The following MAN1C1 variants were observed in gnomAD, a reference collection of about 807,000 sequenced individuals.
The protein encoded by MAN1C1 is mannosidase alpha class 1C member 1.
In MAN1C1, 49 loss-of-function variants were observed where a neutral mutation model predicts 71.5. The observed-to-expected ratio is 0.69, with a 90% CI of 0.54 to 0.87. MAN1C1 has a LOEUF of 0.87. MAN1C1 is among the 40% of genes least tolerant of loss of function. The pLI is 0.00. For synonymous variants in MAN1C1, 352 were observed against 343.7 expected (o/e 1.02, Z -0.27); for missense variants, 743 against 835.0 (o/e 0.89, Z 1.36).
chr1:25,667,706 C>G (rs1015141134), intron 1 of MAN1C1, among the ~76,000 whole-genome samples: 1 of 152,096 alleles, frequency 6.6e-6, no homozygotes, highest in African/African-American at 2.4e-5. Flanking sequence ...CTGCAATAAT[C>G]CTTTCAAGAA....
intron 1 of MAN1C1, among the ~76,000 whole-genome samples, chr1:25,663,208 A>AAAAT (rs200892680): frequency 0.02 from 2,945 of 148,758 alleles, 103 homozygotes; most frequent in African/African-American, 0.068. Flanking sequence ...ACGTATATTT[A>AAAAT]AAATAAATAA....
intron 2 of MAN1C1, among the ~76,000 whole-genome samples, chr1:25,731,225 C>T (rs867860549): frequency 4.6e-5 from 7 of 152,196 alleles, no homozygotes; most frequent in Non-Finnish European, 1.0e-4. Context: ...GGGAGGATCA[C>T]GTGAGCCCAG....
intron 2 of MAN1C1, among the ~76,000 whole-genome samples, chr1:25,714,667 G>C (rs2046656986): frequency 6.6e-6 from 1 of 152,190 alleles, no homozygotes; most frequent in Non-Finnish European, 1.5e-5. Flanking sequence ...TTAGACTCCT[G>C]TGTTTTTATA....
chr1:25,617,782 C>T lies in MAN1C1; in HGVS notation c.-16C>T, dbSNP rs973144589. On this transcript the variant is annotated 5_prime_UTR_variant, in exon 1 of 12. Coordinates refer to ENST00000374332, the MANE Select transcript of MAN1C1 (RefSeq NM_020379.4). This position sits in a 1 kb window ranked among gnomAD's most constrained non-coding sequence, Gnocchi z 5.1. ...CCTGGACTCCGAGGGCTTCTGGAGC[C>T]ACCGGCCGGGCCACGATGCTCATGA... 12 of 1,574,800 alleles carry T rather than the reference C, an allele frequency of 7.6e-6. No individual in the cohort carries two copies. In the African/African-American group the frequency reaches 1.7e-4, roughly 22 times the overall value.
chr1:25,676,137 C>G (rs1038906178), intron 1 of MAN1C1, among the ~76,000 whole-genome samples: 2 of 152,184 alleles, frequency 1.3e-5, no homozygotes, highest in African/African-American at 4.8e-5. Context: ...GACCCTGATG[C>G]CTTAGAAACA....
chr1:25,641,830 G>A (rs2045541621), intron 1 of MAN1C1, among the ~76,000 whole-genome samples: 1 of 152,182 alleles, frequency 6.6e-6, no homozygotes, highest in Non-Finnish European at 1.5e-5. Flanking sequence ...GAGTTTTCCA[G>A]AGTTAAGAGC....
intron 2 of MAN1C1, among the ~76,000 whole-genome samples, chr1:25,696,143 C>T (rs1308816996): frequency 6.6e-6 from 1 of 152,198 alleles, no homozygotes; most frequent in Non-Finnish European, 1.5e-5. Flanking sequence ...TTGCGAAGAC[C>T]TTTCCTTCCT....
chr1:25,708,244 C>T (rs2046552543), intron 2 of MAN1C1, among the ~76,000 whole-genome samples: 2 of 152,158 alleles, frequency 1.3e-5, no homozygotes, highest in Non-Finnish European at 2.9e-5. Context: ...GTGGGCAATT[C>T]CCTGAACTGA....
rs753546357 is a variant in MAN1C1 at position 25,780,977 on chromosome 1, C to T, written c.1515C>T (p.Ser505=). The T allele has an allele frequency of 1.4e-5, 22 of 1,614,038 alleles. No individual in the cohort carries two copies. The highest frequency in any genetic ancestry group is 6.7e-5 in the East Asian group (3 of 44,900). The change falls in exon 10 of 12, where the codon TCC becomes TCT. Residue 505 remains serine (S), a synonymous_variant. Coordinates refer to ENST00000374332, the MANE Select transcript of MAN1C1 (RefSeq NM_020379.4). The part of the protein sequence containing the change: ...KLGPEAFWFN[S]GREAVATQLS... Reference sequence around the variant, plus strand: ...GGCCTGAGGCCTTCTGGTTTAACTCCGGCAGAGAGGCCGTGGCCACCCAGC... The same window carrying T: ...GGCCTGAGGCCTTCTGGTTTAACTCTGGCAGAGAGGCCGTGGCCACCCAGC...
At chr1:25,663,247 C>A (rs1406834078) in intron 1 of MAN1C1, among the ~76,000 whole-genome samples, 2 of 150,872 alleles carry the variant, frequency 1.3e-5, no homozygotes, top group Non-Finnish European at 2.9e-5. Context: ...ATAGCAGACA[C>A]ACCTCCTATT....
Position 25,711,563 on chromosome 1 carries a change from G to A in MAN1C1, c.637+25027G>A, listed in dbSNP as rs964539266. Reference sequence around the variant, plus strand: ...TCAGCTCCGTTTGATCAAAAGGACAGAACTAAAGGACATATTTTTATTGAA... The same window carrying A: ...TCAGCTCCGTTTGATCAAAAGGACAAAACTAAAGGACATATTTTTATTGAA... On this transcript the variant is annotated intron_variant, in intron 2 of 11. Coordinates refer to ENST00000374332, the MANE Select transcript of MAN1C1 (RefSeq NM_020379.4). This position sits in a 1 kb window ranked among gnomAD's most constrained non-coding sequence, Gnocchi z 4.3. Among the ~76,000 whole-genome samples, 1 of 152,214 alleles carries A rather than the reference G, an allele frequency of 6.6e-6. No homozygotes were observed. Among genetic ancestry groups the A allele is most frequent in the African/African-American group, 2.4e-5 (1 of 41,444 alleles).
rs2047408400 is a variant in MAN1C1, at chr1:25,764,929, T to G, written c.1141+962T>G. The stretch of plus-strand genomic sequence containing the variant: ...TGGGTGTGGTGGCACGTGTCTCTAG[T>G]CCCAGCTACTCAGGAGGCTGAGGCA... On this transcript the variant is annotated intron_variant, in intron 7 of 11. Coordinates refer to ENST00000374332, the MANE Select transcript of MAN1C1 (RefSeq NM_020379.4). This position sits in a 1 kb window ranked among gnomAD's most constrained non-coding sequence, Gnocchi z 4.4. Among the ~76,000 whole-genome samples the G allele has an allele frequency of 6.6e-6, 1 of 151,804 alleles. No homozygotes were observed. Among genetic ancestry groups the G allele is most frequent in the African/African-American group, 2.4e-5 (1 of 41,304 alleles).
intron 1 of MAN1C1, among the ~76,000 whole-genome samples, chr1:25,672,635 T>A (rs2046008086): frequency 1.3e-5 from 2 of 152,208 alleles, no homozygotes; most frequent in Admixed American, 1.3e-4. Context: ...CCCACCCCGA[T>A]AATCAGGCTA....
intron 5 of MAN1C1, among the ~76,000 whole-genome samples, chr1:25,756,811 G>A (rs569455851): frequency 3.7e-4 from 57 of 152,234 alleles, no homozygotes; most frequent in South Asian, 1.2e-3. Flanking sequence ...GATGCTTTAC[G>A]TTATGGGCTT....
At chr1:25,763,641 T>G (rs1348467027) in intron 6 of MAN1C1, 2 of 530,672 alleles carry the variant, frequency 3.8e-6, no homozygotes, top group Non-Finnish European at 6.8e-6. Flanking sequence ...GGCAGAGCAG[T>G]CAGTGGAGAG....
intron 8 of MAN1C1, among the ~76,000 whole-genome samples, chr1:25,777,346 C>T (rs1388490969): frequency 1.3e-5 from 2 of 152,092 alleles, no homozygotes; most frequent in Non-Finnish European, 2.9e-5. Context: ...CCCCAGGGCT[C>T]CTGGGGTGAG....
chr1:25,776,372 G>A lies in MAN1C1; in HGVS notation c.1258-1733G>A, dbSNP rs539052829. Reference sequence around the variant, plus strand: ...TCAAGACCAGCCTGGCCAACATGGTGAAACCCCATCTCTACTAAAAATACA... The same window carrying A: ...TCAAGACCAGCCTGGCCAACATGGTAAAACCCCATCTCTACTAAAAATACA... On this transcript the variant is annotated intron_variant, in intron 8 of 11. Coordinates refer to ENST00000374332, the MANE Select transcript of MAN1C1 (RefSeq NM_020379.4). The surrounding 1 kb of genome is among the most constrained non-coding windows in gnomAD (Gnocchi z 4.3). 2.6e-5 allele frequency among the ~76,000 whole-genome samples: 4 copies of A among 152,158 alleles called. No individual in the cohort carries two copies. The highest frequency in any genetic ancestry group is 9.6e-5 in the African/African-American group (4 of 41,528).
chr1:25,669,131 C>T (rs747591281), intron 1 of MAN1C1, among the ~76,000 whole-genome samples: 2 of 152,156 alleles, frequency 1.3e-5, no homozygotes, highest in Non-Finnish European at 2.9e-5. Flanking sequence ...TTGTGCCCTG[C>T]GTATGGCAAG....
chr1:25,783,223 C>T (rs1008266252), intron 11 of MAN1C1, among the ~76,000 whole-genome samples: 1 of 152,196 alleles, frequency 6.6e-6, no homozygotes, highest in Non-Finnish European at 1.5e-5. Context: ...AAAAAACCCA[C>T]AACCTGGAAG....
Sources: gnomAD v4.1 joint callset for allele counts (sites outside exome capture counted in the v4.1 genomes callset) on GRCh38, gnomAD v4.1.1 for gene constraint, Gnocchi (gnomAD v3.1) non-coding constraint, MANE v1.5 for transcripts, NCBI Gene and HGNC (gene_info 2026-07-23, HGNC 2026-07-21) for gene names.